Variants in AGBL2 observed in about 807,000 individuals in gnomAD.
AGBL2 encodes the protein cytosolic carboxypeptidase 2.
AGBL2 carries 87 observed loss-of-function variants against 103.0 expected under a neutral mutation model. The ratio of observed to expected loss-of-function variants is 0.84; its 90% CI spans 0.71 to 1.01. AGBL2 has a LOEUF of 1.01. Ranked by LOEUF, AGBL2 falls within the 50% of genes least tolerant of loss-of-function variation. The pLI is 0.00. For missense variants in AGBL2, 904 were observed against 1,023.5 expected, an observed-to-expected ratio of 0.88 and a Z score of 1.59; for synonymous variants, 335 against 356.7, an observed-to-expected ratio of 0.94 and a Z score of 0.69.
chr11:47,705,012 C>T (rs2097512581), intron 6 of AGBL2: 1 of 244,984 alleles, frequency 4.1e-6, no homozygotes, highest in Admixed American at 5.3e-5. Context: ...GACATTTCAA[C>T]AGTGGGTTAC....
intron 10 of AGBL2, among the ~76,000 whole-genome samples, chr11:47,686,963 A>AG (rs2153804007): frequency 8.0e-6 from 1 of 124,438 alleles, no homozygotes; most frequent in East Asian, 2.4e-4. Flanking sequence ...CTATCTCAAA[A>AG]AAAAAAAAAA....
intron 8 of AGBL2, among the ~76,000 whole-genome samples, chr11:47,697,799 G>A (rs2097481884): frequency 6.6e-6 from 1 of 151,796 alleles, no homozygotes; most frequent in African/African-American, 2.4e-5. Context: ...GCCCGCCTCA[G>A]ACTCCCAAAG....
At chr11:47,663,881 G>A (rs2097334323) in intron 17 of AGBL2, among the ~76,000 whole-genome samples, 1 of 143,536 alleles carries the variant, frequency 7.0e-6, no homozygotes, top group Non-Finnish European at 1.5e-5. Flanking sequence ...TTCTGAGACA[G>A]TATCACTCTT....
Position 47,714,562 on chromosome 11 carries a change from CG to C in AGBL2, c.33+55del, listed in dbSNP as rs1170658201. 18 of 1,586,180 alleles carry C rather than the reference CG, an allele frequency of 1.1e-5. No homozygotes were observed. The Admixed American group carries it at 1.2e-4, about 10-fold the overall frequency. On this transcript the variant is annotated intron_variant, in intron 2 of 18. Transcript: ENST00000525123. Reference sequence around the variant, plus strand: ...TAGTAGCAGATTTCTGTGGAGTTCCCGAAGAAATGGAGTTCCCCGAAGAAAT... The same window carrying C: ...TAGTAGCAGATTTCTGTGGAGTTCCCAAGAAATGGAGTTCCCCGAAGAAAT...
chr11:47,706,681 A>G (rs1162887433), intron 4 of AGBL2, among the ~76,000 whole-genome samples: 2 of 151,986 alleles, frequency 1.3e-5, no homozygotes, highest in Non-Finnish European at 2.9e-5. Context: ...CAGGAATTTG[A>G]GTCCAGCCTC....
chr11:47,662,495 CTTT>C (rs11304684), intron 18 of AGBL2, among the ~76,000 whole-genome samples: 12 of 134,806 alleles, frequency 8.9e-5, no homozygotes, highest in Admixed American at 1.5e-4. Flanking sequence ...TACTCGTTCA[CTTT>C]TTTTTTTTTT....
intron 10 of AGBL2, among the ~76,000 whole-genome samples, 182 bp from the exon 11 acceptor site, chr11:47,686,231 A>G (rs1175567845): frequency 6.6e-6 from 1 of 152,076 alleles, no homozygotes; most frequent in East Asian, 1.9e-4. Flanking sequence ...ACATGTCATC[A>G]GCTTGCCTTG....
chr11:47,691,350 GA>G (rs1204305340), intron 9 of AGBL2, among the ~76,000 whole-genome samples: 1 of 151,268 alleles, frequency 6.6e-6, no homozygotes, highest in African/African-American at 2.4e-5. Flanking sequence ...TTATGAAGTG[GA>G]AAAAAAATTT....
intron 15 of AGBL2, among the ~76,000 whole-genome samples, 190 bp downstream of exon 15, chr11:47,668,651 T>C (rs1192714982): frequency 6.6e-6 from 1 of 152,202 alleles, no homozygotes; most frequent in Non-Finnish European, 1.5e-5. Flanking sequence ...TACCTTAAGA[T>C]GGCCTTAAAA....
intron 13 of AGBL2, among the ~76,000 whole-genome samples, chr11:47,679,014 G>C (rs1027725971): frequency 1.7e-5 from 2 of 118,896 alleles, no homozygotes; most frequent in Non-Finnish European, 3.2e-5. Context: ...AGCCAAGTTC[G>C]CGCCACTGCA....
chr11:47,713,233 A>G (rs1007172886), intron 3 of AGBL2, among the ~76,000 whole-genome samples: 6 of 151,718 alleles, frequency 4.0e-5, no homozygotes, highest in African/African-American at 1.5e-4. Flanking sequence ...AATCCCAGCT[A>G]CTTGGGAGGC....
At chr11:47,687,808 T>TC (rs2097430060) in intron 10 of AGBL2, among the ~76,000 whole-genome samples, 1 of 98,756 alleles carries the variant, frequency 1.0e-5, no homozygotes, top group Non-Finnish European at 2.3e-5. Context: ...TCTTTCTTTC[T>TC]TTTTTTTTTT....
chr11:47,667,607 AT>A lies in AGBL2; in HGVS notation c.2303del (p.Asn768IlefsTer2), dbSNP rs760684575. 1.3e-5 allele frequency: 21 copies of A among 1,613,290 alleles called. No homozygotes were observed. Among genetic ancestry groups the A allele is most frequent in the Middle Eastern group, 1.6e-4 (1 of 6,078 alleles). Reference sequence around the variant, plus strand: ...CTGTTAACTTTAACTTCTGCATCAAATTTTTTTTCTGATACTGCTCATTTCG... The same window carrying A: ...CTGTTAACTTTAACTTCTGCATCAAATTTTTTTCTGATACTGCTCATTTCG... ...KQRNEQYQKK[N>X]LMQKLKLTED... On this transcript the variant is annotated frameshift_variant, in exon 16 of 19. Transcript: ENST00000525123. LOFTEE classifies it high-confidence loss of function.
At chr11:47,673,581 T>C (rs2869533) in intron 14 of AGBL2, among the ~76,000 whole-genome samples, 143,168 of 151,286 alleles carry the variant, frequency 0.95, 68,246 homozygotes, top group East Asian at 1. Context: ...GCCGAGATCG[T>C]GCCGTTGCAC....
intron 13 of AGBL2, among the ~76,000 whole-genome samples, chr11:47,679,213 G>A (rs1424701638): frequency 6.6e-6 from 1 of 151,894 alleles, no homozygotes. Flanking sequence ...GAGCCCAGGA[G>A]CTGGAGACCA....
chr11:47,666,280 G>A (rs2097341057), intron 17 of AGBL2, among the ~76,000 whole-genome samples: 1 of 151,472 alleles, frequency 6.6e-6, no homozygotes, highest in African/African-American at 2.4e-5. Flanking sequence ...TGTAATCCCA[G>A]CTACTCCAGA....
At chr11:47,707,673 A>G (rs1444868830) in intron 4 of AGBL2, among the ~76,000 whole-genome samples, 1 of 152,058 alleles carries the variant, frequency 6.6e-6, no homozygotes. Flanking sequence ...TTGCCTTCCT[A>G]AAAGTCTACT....
intron 7 of AGBL2, among the ~76,000 whole-genome samples, chr11:47,702,298 T>C (rs1478527867): frequency 6.6e-6 from 1 of 152,208 alleles, no homozygotes; most frequent in Non-Finnish European, 1.5e-5. Flanking sequence ...ATACTTTTCT[T>C]TGACCCTCTT....
At chr11:47,714,775 G>A in intron 1 of AGBL2, 25 bp from the exon 2 acceptor site, 1 of 1,004,438 alleles carries the variant, frequency 1.0e-6, no homozygotes, top group Admixed American at 1.8e-5. Flanking sequence ...GAGGACAAGT[G>A]AAAAAACTGC....
Sources: allele counts gnomAD v4.1 joint callset (sites outside exome capture counted in the v4.1 genomes callset), GRCh38; gene constraint gnomAD v4.1.1; transcripts MANE v1.5; gene names NCBI Gene and HGNC (gene_info 2026-07-23, HGNC 2026-07-21).